ADGRG6: variants seen among roughly 807,000 people sequenced by gnomAD.
The protein encoded by ADGRG6 is G-protein coupled receptor 126.
ADGRG6 carries 84 observed loss-of-function variants against 142.4 expected under a neutral mutation model. The observed-to-expected ratio is 0.59, with a 90% CI of 0.49 to 0.71. The LOEUF (loss-of-function observed/expected upper bound fraction) is 0.71, where lower values mean the gene tolerates loss of function less well. Ranked by LOEUF, ADGRG6 falls within the 30% of genes least tolerant of loss-of-function variation. ADGRG6 has a pLI of 0.00. For missense variants in ADGRG6, 1,367 were observed against 1,466.6 expected, an observed-to-expected ratio of 0.93 and a Z score of 1.11; for synonymous variants, 521 against 520.5, an observed-to-expected ratio of 1.00 and a Z score of -0.01.
intron 2 of ADGRG6, among the ~76,000 whole-genome samples, chr6:142,312,472 A>G (rs1169286371): frequency 6.6e-6 from 1 of 152,074 alleles, no homozygotes; most frequent in Non-Finnish European, 1.5e-5. Context: ...TAAAATAACA[A>G]TTTAGAATAT....
chr6:142,376,657 A>T (rs1781518880), intron 4 of ADGRG6, among the ~76,000 whole-genome samples: 1 of 152,194 alleles, frequency 6.6e-6, no homozygotes. Context: ...TAGATTACTA[A>T]ATCATTTTTA....
chr6:142,425,078 A>G (rs573180512), intron 22 of ADGRG6, among the ~76,000 whole-genome samples: 3 of 152,358 alleles, frequency 2.0e-5, no homozygotes, highest in African/African-American at 7.2e-5. Context: ...AAAGTGCAGG[A>G]TAGTGACAAA....
intron 2 of ADGRG6, among the ~76,000 whole-genome samples, chr6:142,349,267 G>A (rs892751584): frequency 6.6e-6 from 1 of 152,216 alleles, no homozygotes; most frequent in Non-Finnish European, 1.5e-5. Context: ...AATGCAGGGG[G>A]TTGGTCAGGG....
intron 4 of ADGRG6, among the ~76,000 whole-genome samples, chr6:142,376,020 G>T (rs1781479785): frequency 6.6e-6 from 1 of 151,998 alleles, no homozygotes; most frequent in African/African-American, 2.4e-5. Context: ...TAAAAACATG[G>T]TTAAACCTGT....
At chr6:142,304,512 T>C (rs1229543324) in intron 1 of ADGRG6, among the ~76,000 whole-genome samples, 2 of 152,174 alleles carry the variant, frequency 1.3e-5, no homozygotes, top group African/African-American at 2.4e-5. Context: ...TCTTGGCTTA[T>C]GGGAAATATT....
intron 9 of ADGRG6, among the ~76,000 whole-genome samples, chr6:142,394,580 A>ATTT (rs5880532): frequency 1.5e-5 from 2 of 132,988 alleles, no homozygotes; most frequent in African/African-American, 2.8e-5. Flanking sequence ...ATCTCTGTAG[A>ATTT]TTTTTTTTTT....
At position 142,384,195 on chromosome 6, in the gene ADGRG6, G is replaced by T. The variant is rs183706835; in HGVS notation, c.1222+352G>T. ...ATGGTATTTTGTCAGATTATTTGCT[G>T]CAGGAAACAAGTTTTAAAGGATTTT... On this transcript the variant is annotated intron_variant, in intron 6 of 24. Transcript: ENST00000367609. Among the ~76,000 whole-genome samples the T allele has an allele frequency of 2.6e-5, 4 of 152,120 alleles. No homozygotes were observed. In the East Asian group the frequency reaches 5.8e-4, roughly 22 times the overall value.
intron 10 of ADGRG6, among the ~76,000 whole-genome samples, 152 bp downstream of exon 10, chr6:142,397,907 GAA>G (rs111787190): frequency 6.7e-6 from 1 of 148,812 alleles, no homozygotes; most frequent in African/African-American, 2.5e-5. Context: ...TGACATAGCA[GAA>G]AAAAAAAATC....
intron 2 of ADGRG6, among the ~76,000 whole-genome samples, chr6:142,366,006 A>T (rs1037175789): frequency 6.6e-6 from 1 of 152,196 alleles, no homozygotes; most frequent in Non-Finnish European, 1.5e-5. Context: ...TGTCCATTTA[A>T]TGGCAATTTA....
chr6:142,410,795 T>G (rs941429393), intron 17 of ADGRG6, among the ~76,000 whole-genome samples: 1 of 152,150 alleles, frequency 6.6e-6, no homozygotes, highest in Non-Finnish European at 1.5e-5. Context: ...TATGCATTGC[T>G]CATATTCCAT....
intron 6 of ADGRG6, among the ~76,000 whole-genome samples, chr6:142,387,372 A>G (rs770948338): frequency 1.8e-4 from 27 of 152,346 alleles, no homozygotes; most frequent in South Asian, 4.1e-4. Flanking sequence ...TACAGATTGT[A>G]ACACTGCTTC....
chr6:142,388,013 TG>T (rs1782116207), intron 6 of ADGRG6, among the ~76,000 whole-genome samples: 1 of 152,200 alleles, frequency 6.6e-6, no homozygotes, highest in Non-Finnish European at 1.5e-5. Flanking sequence ...TGTTAACATT[TG>T]TAAGAGAGGA....
intron 2 of ADGRG6, among the ~76,000 whole-genome samples, chr6:142,314,969 G>A (rs1777957464): frequency 1.1e-5 from 1 of 92,704 alleles, no homozygotes; most frequent in South Asian, 3.8e-4. Flanking sequence ...GTCCAATCAT[G>A]GAGTGTGTGT....
intron 6 of ADGRG6, among the ~76,000 whole-genome samples, chr6:142,384,505 G>A (rs537656844): frequency 5.0e-4 from 76 of 152,192 alleles, no homozygotes; most frequent in African/African-American, 1.7e-3. Flanking sequence ...GGAAAAGTCA[G>A]GTGAGTGGAA....
At chr6:142,318,336 ATAT>A (rs1327080706) in intron 2 of ADGRG6, among the ~76,000 whole-genome samples, 1 of 88,854 alleles carries the variant, frequency 1.1e-5, no homozygotes, top group African/African-American at 5.2e-5. Context: ...ATATATATTT[ATAT>A]TATATATTTA....
chr6:142,402,685 G>C lies in ADGRG6; in HGVS notation c.1810G>C (p.Ala604Pro), dbSNP rs922433386. 1.9e-6 allele frequency: 3 copies of C among 1,609,534 alleles called. No individual in the cohort carries two copies. In the African/African-American group the frequency reaches 4.0e-5, roughly 22 times the overall value. ...LTADGQNLTSANITNIVEQVK... is the reference protein window; with the variant it reads ...LTADGQNLTSPNITNIVEQVK... ...TGCTGATGGGCAGAACTTAACCTCA[G>C]CCAATATTACCAACATTGTGGAACA... The change falls in exon 13 of 25, where the codon GCC becomes CCC. Residue 604 changes from alanine (A) to proline (P), a missense_variant. Physicochemically the swap from Ala to Pro is conservative, Grantham distance 27. Coordinates refer to ENST00000367609, the MANE Select transcript of ADGRG6 (RefSeq NM_198569.3).
chr6:142,392,153 A>G (rs1217594206), intron 7 of ADGRG6, among the ~76,000 whole-genome samples: 2 of 151,972 alleles, frequency 1.3e-5, no homozygotes, highest in Non-Finnish European at 2.9e-5. Flanking sequence ...TAAAACTTAC[A>G]TTCAGTTTTA....
rs1378195394 is a variant in ADGRG6, at chr6:142,416,056, T to C, written c.2930T>C (p.Ile977Thr). 1.2e-6 allele frequency: 2 copies of C among 1,611,472 alleles called. No homozygotes were observed. Among genetic ancestry groups the C allele is most frequent in the African/African-American group, 1.3e-5 (1 of 74,986 alleles). ...IRRYILKFCI[I>T]GWGLPALVVS... is the part of the protein sequence containing the mutation. ...CGATACATTCTAAAATTCTGCATCA[T>C]TGGCTGGGGTAAGCCTCTTAAAATT... The change falls in exon 20 of 25, where the codon ATT becomes ACT. Residue 977 changes from isoleucine (I) to threonine (T), a missense_variant. Physicochemically the swap from Ile to Thr is moderately conservative, Grantham distance 89. This residue lies in a region of ADGRG6 where 344 missense variants were observed against 348.7 expected (regional missense o/e 0.99). Transcript: ENST00000367609.
At chr6:142,323,548 G>T (rs2114621662) in intron 2 of ADGRG6, among the ~76,000 whole-genome samples, 1 of 152,202 alleles carries the variant, frequency 6.6e-6, no homozygotes, top group East Asian at 1.9e-4. Flanking sequence ...GGTCTCATAA[G>T]ATTAGTCATG....
Sources: gnomAD v4.1 joint callset for allele counts (sites outside exome capture counted in the v4.1 genomes callset) on GRCh38, gnomAD v4.1.1 for gene constraint, gnomAD v4.1.1 regional missense constraint, MANE v1.5 for transcripts, NCBI Gene and HGNC (gene_info 2026-07-23, HGNC 2026-07-21) for gene names.